The following CEP170 variants were observed in gnomAD, a reference collection of about 807,000 sequenced individuals.
The protein encoded by CEP170 is centrosomal protein 170.
CEP170 carries 21 observed loss-of-function variants against 151.9 expected under a neutral mutation model. That is an observed-to-expected ratio of 0.14 (90% confidence interval 0.10 to 0.20). The LOEUF is 0.20. Among genes scored for constraint, CEP170 ranks in the 10% least tolerant of loss-of-function variants. The pLI is 1.00. For synonymous variants in CEP170, 356 were observed against 648.8 expected, an observed-to-expected ratio of 0.55 and a Z score of 6.86; for missense variants, 964 against 1,892.9, an observed-to-expected ratio of 0.51 and a Z score of 9.11.
chr1:243,170,763 C>T (rs2058781451), intron 11 of CEP170, among the ~76,000 whole-genome samples: 1 of 152,220 alleles, frequency 6.6e-6, no homozygotes, highest in Non-Finnish European at 1.5e-5. Flanking sequence ...CACTGCACTC[C>T]AGCCTGGGTG....
At chr1:243,208,478 C>G (rs1368466901) in intron 4 of CEP170, among the ~76,000 whole-genome samples, 1 of 152,108 alleles carries the variant, frequency 6.6e-6, no homozygotes, top group African/African-American at 2.4e-5. Flanking sequence ...CTAATATACT[C>G]ATGTTCTTTG....
chr1:243,155,610 T>C (rs1312868201), intron 14 of CEP170, among the ~76,000 whole-genome samples: 5 of 152,152 alleles, frequency 3.3e-5, no homozygotes, highest in Non-Finnish European at 7.4e-5. Flanking sequence ...TCAGCCATAG[T>C]AAGTTATTAA....
At chr1:243,245,303 G>C (rs188162977) in intron 1 of CEP170, among the ~76,000 whole-genome samples, 52 of 152,046 alleles carry the variant, frequency 3.4e-4, no homozygotes, top group Non-Finnish European at 4.1e-4. Context: ...AAACTGTCCA[G>C]ATTGGGTGGC....
chr1:243,249,076 A>G (rs1244471808), intron 1 of CEP170, among the ~76,000 whole-genome samples: 3 of 152,132 alleles, frequency 2.0e-5, no homozygotes, highest in Non-Finnish European at 4.4e-5. Context: ...TAAAGAGGCT[A>G]TTTTTTTGTG....
At chr1:243,200,214 G>C (rs1434867046) in intron 6 of CEP170, among the ~76,000 whole-genome samples, 2 of 152,062 alleles carry the variant, frequency 1.3e-5, no homozygotes, top group East Asian at 3.9e-4. Flanking sequence ...TAAGGAACTT[G>C]AGCATCGTGA....
At chr1:243,198,362 AGAATCT>A (rs1397125364) in intron 7 of CEP170, among the ~76,000 whole-genome samples, 1 of 152,132 alleles carries the variant, frequency 6.6e-6, no homozygotes, top group Non-Finnish European at 1.5e-5. Flanking sequence ...TATTAATCTG[AGAATCT>A]GACCCAGAAC....
intron 11 of CEP170, among the ~76,000 whole-genome samples, chr1:243,170,357 T>C (rs1412350471): frequency 6.7e-6 from 1 of 150,060 alleles, no homozygotes; most frequent in East Asian, 2.0e-4. Context: ...TGCACTCCAG[T>C]CTGGCAACAG....
chr1:243,136,339 T>C, intron 16 of CEP170, 108 bp from the exon 17 acceptor site: 1 of 911,994 alleles, frequency 1.1e-6, no homozygotes, highest in South Asian at 1.9e-5. Flanking sequence ...TTAGTATTTA[T>C]GCTTATTTTA....
Position 243,190,668 on chromosome 1 carries a change from AAT to A in CEP170, c.1108+348_1108+349del, listed in dbSNP as rs540027785. 9.2e-5 allele frequency among the ~76,000 whole-genome samples: 14 copies of A among 152,308 alleles called. No homozygotes were observed. The South Asian group carries it at 2.7e-3, about 29-fold the overall frequency. ...TTGATCTCAATAGAGAACAGAATTG[AAT>A]ATATCTTTTCCTTAAATCAAGAAAA... On this transcript the variant is annotated intron_variant, in intron 8 of 19. Transcript: ENST00000366542.
intron 3 of CEP170, among the ~76,000 whole-genome samples, chr1:243,213,980 G>C (rs1205778429): frequency 6.6e-6 from 1 of 152,062 alleles, no homozygotes; most frequent in Non-Finnish European, 1.5e-5. Context: ...CAAAGTGCTG[G>C]GATTACAGGT....
intron 8 of CEP170, among the ~76,000 whole-genome samples, chr1:243,186,698 T>C (rs1201137576): frequency 6.6e-6 from 1 of 152,232 alleles, no homozygotes; most frequent in African/African-American, 2.4e-5. Context: ...TAATAGATAA[T>C]TGATGCTCTA....
intron 6 of CEP170, among the ~76,000 whole-genome samples, chr1:243,200,221 G>A (rs977293914): frequency 7.2e-5 from 11 of 152,156 alleles, no homozygotes; most frequent in East Asian, 3.9e-4. Context: ...CTTGAGCATC[G>A]TGAATTCTGG....
At chr1:243,220,436 C>T (rs1179171447) in intron 3 of CEP170, among the ~76,000 whole-genome samples, 1 of 150,878 alleles carries the variant, frequency 6.6e-6, no homozygotes, top group Non-Finnish European at 1.5e-5. Flanking sequence ...ATAAAACCAA[C>T]AGAGAAAAAA....
chr1:243,201,963 G>A (rs2061067148), intron 4 of CEP170, among the ~76,000 whole-genome samples: 1 of 151,914 alleles, frequency 6.6e-6, no homozygotes, highest in Admixed American at 6.6e-5. Context: ...GTATATATTT[G>A]CTGGTACATA....
intron 14 of CEP170, among the ~76,000 whole-genome samples, chr1:243,154,218 GTAA>G (rs1410281758): frequency 6.6e-6 from 1 of 152,286 alleles, no homozygotes; most frequent in East Asian, 1.9e-4. Context: ...AAACATTTTT[GTAA>G]TAAATTAAAA....
intron 1 of CEP170, among the ~76,000 whole-genome samples, chr1:243,231,190 C>CATCATT (rs368164323): frequency 0.041 from 5,105 of 124,850 alleles, 112 homozygotes; most frequent in Non-Finnish European, 0.054. Flanking sequence ...TCATCATCAT[C>CATCATT]ATTATTATTA....
At position 243,126,577 on chromosome 1, in the gene CEP170, C is replaced by G; in HGVS notation, c.4627G>C (p.Ala1543Pro). The change falls in exon 20 of 20, where the codon GCT becomes CCT. Residue 1543 changes from alanine (A) to proline (P), a missense_variant. By Grantham distance (27) the Ala-to-Pro change is conservative (BLOSUM62 -1). Coordinates refer to ENST00000366542, the MANE Select transcript of CEP170 (RefSeq NM_014812.3). ...GCTGAAACAGCAGCAGGATGAAGAG[C>G]CCTAGCTTCTGGTTGGCCAAGTGTT... ...TPTLGQPEAR[A>P]LHPAAVSAAA... 1 of 1,574,890 alleles carries G rather than the reference C, an allele frequency of 6.3e-7. No homozygotes were observed. Among genetic ancestry groups the G allele is most frequent in the Non-Finnish European group, 8.6e-7 (1 of 1,158,974 alleles).
At chr1:243,224,577 C>G (rs2063082206) in intron 2 of CEP170, among the ~76,000 whole-genome samples, 1 of 152,144 alleles carries the variant, frequency 6.6e-6, no homozygotes, top group African/African-American at 2.4e-5. Context: ...TAGTGTTTTC[C>G]CTGTAAGAAT....
intron 4 of CEP170, among the ~76,000 whole-genome samples, chr1:243,202,342 A>G (rs1406251702): frequency 1.3e-5 from 2 of 152,096 alleles, no homozygotes; most frequent in Non-Finnish European, 2.9e-5. Flanking sequence ...AAAACTACCT[A>G]TTGAGGTACA....
Sources: allele counts gnomAD v4.1 joint callset (sites outside exome capture counted in the v4.1 genomes callset), GRCh38; gene constraint gnomAD v4.1.1; transcripts MANE v1.5; gene names NCBI Gene and HGNC (gene_info 2026-07-23, HGNC 2026-07-21).